Variants in SPECC1L observed in about 807,000 individuals in gnomAD.
SPECC1L encodes the protein sperm antigen with calponin homology and coiled-coil domains 1 like.
A neutral mutation model predicts 116.8 loss-of-function variants in SPECC1L; 40 were observed. That is an observed-to-expected ratio of 0.34 (90% CI 0.27 to 0.45). The LOEUF is 0.45. Ranked by LOEUF, SPECC1L falls within the 20% of genes least tolerant of loss-of-function variation. The pLI, the probability that SPECC1L is intolerant of heterozygous loss-of-function variation, is 1.00. For missense variants in SPECC1L, 1,110 were observed against 1,373.6 expected (o/e 0.81, Z 3.03); for synonymous variants, 504 against 500.6 (o/e 1.01, Z -0.09).
intron 11 of SPECC1L, among the ~76,000 whole-genome samples, chr22:24,355,112 C>G (rs1406962226): frequency 6.6e-6 from 1 of 151,558 alleles, no homozygotes; most frequent in Non-Finnish European, 1.5e-5. Flanking sequence ...AACCCTGTCT[C>G]TACTAAAAAT....
At chr22:24,377,388 A>G (rs1472337690) in intron 14 of SPECC1L, among the ~76,000 whole-genome samples, 1 of 152,098 alleles carries the variant, frequency 6.6e-6, no homozygotes. Flanking sequence ...TCAGCCTCCC[A>G]AGTAGCTGGA....
intron 14 of SPECC1L, among the ~76,000 whole-genome samples, chr22:24,390,742 A>G (rs1601333256): frequency 6.6e-6 from 1 of 152,044 alleles, no homozygotes. Context: ...CCTGATGACA[A>G]GGTATCTTCA....
At chr22:24,375,043 T>C (rs1350689826) in intron 14 of SPECC1L, among the ~76,000 whole-genome samples, 1 of 152,118 alleles carries the variant, frequency 6.6e-6, no homozygotes, top group Non-Finnish European at 1.5e-5. Flanking sequence ...TAAAATGGAA[T>C]ACTGTGAACA....
At chr22:24,334,202 T>C (rs2040998873) in intron 8 of SPECC1L, among the ~76,000 whole-genome samples, 2 of 151,890 alleles carry the variant, frequency 1.3e-5, no homozygotes, top group African/African-American at 2.4e-5. Context: ...TTAGTAGAGA[T>C]GGGGTTTCAC....
chr22:24,400,417 CAA>C (rs1481111659), intron 14 of SPECC1L, among the ~76,000 whole-genome samples: 7 of 152,184 alleles, frequency 4.6e-5, no homozygotes, highest in Admixed American at 3.3e-4. Context: ...TTTTCATGGC[CAA>C]AAAATAATCC....
chr22:24,347,123 C>T lies in SPECC1L; in HGVS notation c.2690C>T (p.Pro897Leu). The T allele has an allele frequency of 1.2e-6, 2 of 1,613,990 alleles. No individual in the cohort carries two copies. Among genetic ancestry groups the T allele is most frequent in the Non-Finnish European group, 1.7e-6 (2 of 1,179,918 alleles). ...SISGPISTSK[P>L]LTALSDKRPN... ...AGTGGACCAATCTCAACATCCAAAC[C>T]CCTGACAGCCCTGTCAGATAAGAGA... Residue 897 changes from proline (P) to leucine (L), a missense_variant, in exon 11 of 17, where the codon CCC becomes CTC. This residue lies in a region of SPECC1L where 575 missense variants were observed against 682.4 expected (regional missense o/e 0.84). Coordinates refer to ENST00000314328, the MANE Select transcript of SPECC1L (RefSeq NM_015330.6).
chr22:24,390,440 G>T (rs909426663), intron 14 of SPECC1L, among the ~76,000 whole-genome samples: 1 of 152,104 alleles, frequency 6.6e-6, no homozygotes, highest in Admixed American at 6.5e-5. Context: ...ACTTCCCAGA[G>T]TTAAAAAATA....
intron 14 of SPECC1L, among the ~76,000 whole-genome samples, chr22:24,388,562 T>G (rs2042206331): frequency 6.6e-6 from 1 of 152,096 alleles, no homozygotes; most frequent in South Asian, 2.1e-4. Context: ...GCATGTGTCT[T>G]TATAGCAGCA....
chr22:24,301,073 A>G (rs923180810), intron 2 of SPECC1L, among the ~76,000 whole-genome samples: 3 of 152,224 alleles, frequency 2.0e-5, no homozygotes, highest in African/African-American at 7.2e-5. Context: ...CTTCCATGAC[A>G]GAAACACCAA....
Position 24,316,939 on chromosome 22 carries a change from C to T in SPECC1L, c.307+3473C>T, listed in dbSNP as rs1329010860. On this transcript the variant is annotated intron_variant, in intron 4 of 16. Transcript: ENST00000314328. ...CCCCCAACCTCCCTCCCAGACGGGGCGGCTGGCCGGGCCGAGGAGCTCCTC... is the reference window on the plus strand; with the variant it reads ...CCCCCAACCTCCCTCCCAGACGGGGTGGCTGGCCGGGCCGAGGAGCTCCTC... Among the ~76,000 whole-genome samples the T allele has an allele frequency of 9.0e-5, 9 of 100,452 alleles. 1 individual carries two copies. Among genetic ancestry groups the T allele is most frequent in the African/African-American group, 1.5e-4 (4 of 26,990 alleles). 65.9% of individuals were successfully genotyped at this position (100,452 alleles called of 152,430 possible).
chr22:24,393,556 T>C (rs1008017170), intron 14 of SPECC1L, among the ~76,000 whole-genome samples: 2 of 152,230 alleles, frequency 1.3e-5, no homozygotes, highest in African/African-American at 4.8e-5. Flanking sequence ...TATCCAGTTC[T>C]GCCATGGTTT....
chr22:24,370,291 A>C (rs1471828586), intron 14 of SPECC1L, among the ~76,000 whole-genome samples: 4 of 152,280 alleles, frequency 2.6e-5, no homozygotes, highest in Admixed American at 1.3e-4. Flanking sequence ...CAGAAAAGTC[A>C]TGATAATCAT....
chr22:24,357,245 C>T (rs1054662758), intron 11 of SPECC1L, among the ~76,000 whole-genome samples: 22 of 152,154 alleles, frequency 1.4e-4, no homozygotes, highest in African/African-American at 4.6e-4. Context: ...AAGGTTCATC[C>T]ATTTTGTGGC....
Position 24,416,847 on chromosome 22 carries a change from G to A in SPECC1L, c.*2224G>A, listed in dbSNP as rs1331055477. 2 of 152,400 alleles carry A rather than the reference G, an allele frequency of 1.3e-5. No individual in the cohort carries two copies. Among genetic ancestry groups the A allele is most frequent in the Admixed American group, 1.3e-4 (2 of 15,282 alleles). 9.4% of individuals were successfully genotyped at this position (152,400 alleles called of 1,614,324 possible). On this transcript the variant is annotated 3_prime_UTR_variant, in exon 17 of 17. Coordinates refer to ENST00000314328, the MANE Select transcript of SPECC1L (RefSeq NM_015330.6). ...AGCATCAGGCCTGAGGTCAGCAACAGGGAAAGAGGGTGGGCACGGGGAGGG... is the reference window on the plus strand; with the variant it reads ...AGCATCAGGCCTGAGGTCAGCAACAAGGAAAGAGGGTGGGCACGGGGAGGG...
intron 4 of SPECC1L, among the ~76,000 whole-genome samples, chr22:24,318,962 C>T (rs558980772): frequency 1.3e-5 from 2 of 151,884 alleles, no homozygotes; most frequent in East Asian, 1.9e-4. Flanking sequence ...TTTTTGGCCT[C>T]CGTATACAGT....
intron 11 of SPECC1L, among the ~76,000 whole-genome samples, chr22:24,362,766 C>T (rs1353873646): frequency 6.6e-6 from 1 of 152,080 alleles, no homozygotes; most frequent in Non-Finnish European, 1.5e-5. Flanking sequence ...CGAAGCCTAC[C>T]CTGCTGCCTG....
At chr22:24,306,591 C>G (rs764477077) in intron 3 of SPECC1L, among the ~76,000 whole-genome samples, 2 of 152,094 alleles carry the variant, frequency 1.3e-5, no homozygotes, top group Non-Finnish European at 2.9e-5. Context: ...CTTTTTTACC[C>G]TGGCTGGTCT....
chr22:24,399,488 T>G (rs1366965283), intron 14 of SPECC1L, among the ~76,000 whole-genome samples: 1 of 152,004 alleles, frequency 6.6e-6, no homozygotes, highest in East Asian at 1.9e-4. Context: ...GAGAATGGTG[T>G]GAACCTGGGA....
At chr22:24,379,819 A>G (rs1230545909) in intron 14 of SPECC1L, among the ~76,000 whole-genome samples, 1 of 152,140 alleles carries the variant, frequency 6.6e-6, no homozygotes, top group Non-Finnish European at 1.5e-5. Context: ...TGGTTCTTTC[A>G]TTGCAAGATC....
Sources: allele counts gnomAD v4.1 joint callset (sites outside exome capture counted in the v4.1 genomes callset), GRCh38; gene constraint gnomAD v4.1.1; regional missense constraint gnomAD v4.1.1; transcripts MANE v1.5; gene names NCBI Gene and HGNC (gene_info 2026-07-23, HGNC 2026-07-21).